Variants in TUSC3 observed in about 807,000 individuals in gnomAD.
TUSC3 encodes dolichyl-diphosphooligosaccharide--protein glycosyltransferase subunit TUSC3.
Under a neutral mutation model 44.8 loss-of-function variants are expected in TUSC3, and 45 were observed. The ratio of observed to expected loss-of-function variants is 1.00; its 90% CI spans 0.79 to 1.29. The LOEUF (loss-of-function observed/expected upper bound fraction) is 1.29. Among genes scored for constraint, TUSC3 ranks in the 50% most tolerant of loss-of-function variants. The pLI is 0.00. For synonymous variants in TUSC3, 212 were observed against 152.9 expected, an observed-to-expected ratio of 1.39 and a Z score of -2.85; for missense variants, 519 against 437.9, an observed-to-expected ratio of 1.19 and a Z score of -1.65.
chr8:15,852,072 C>T, the TUSC3 span, among the ~76,000 whole-genome samples: 12 of 152,252 alleles, frequency 7.9e-5, no homozygotes, highest in East Asian at 2.1e-3. Flanking sequence ...GTCCATTAAA[C>T]CTCTTTTTCG....
chr8:15,649,191 A>T (rs1242014060), intron 2 of TUSC3, among the ~76,000 whole-genome samples: 1 of 152,132 alleles, frequency 6.6e-6, no homozygotes, highest in Non-Finnish European at 1.5e-5. Flanking sequence ...AAATCACATA[A>T]GGTTTTCCTC....
the TUSC3 span, among the ~76,000 whole-genome samples, chr8:15,828,184 T>C: frequency 0.02 from 3,028 of 152,092 alleles, 87 homozygotes; most frequent in African/African-American, 0.069. Flanking sequence ...TAGTAGATAC[T>C]GGATTTCTCC....
chr8:15,770,102 A>G (rs1323700832), downstream of TUSC3, among the ~76,000 whole-genome samples: 1 of 152,238 alleles, frequency 6.6e-6, no homozygotes, highest in African/African-American at 2.4e-5. Context: ...TACTTTAGAT[A>G]CATGCACATG....
intron 1 of TUSC3, among the ~76,000 whole-genome samples, chr8:15,585,953 G>A (rs533244922): frequency 1.1e-4 from 17 of 152,208 alleles, no homozygotes; most frequent in African/African-American, 3.4e-4. Context: ...GAATTCCTAC[G>A]GAATAAAGAG....
At chr8:15,808,902 A>G in the TUSC3 span, among the ~76,000 whole-genome samples, 1 of 152,126 alleles carries the variant, frequency 6.6e-6, no homozygotes, top group Non-Finnish European at 1.5e-5. Flanking sequence ...GTACAAACAA[A>G]TTATACACAC....
At chr8:15,806,259 G>A in the TUSC3 span, 2 of 587,992 alleles carry the variant, frequency 3.4e-6, no homozygotes, top group African/African-American at 1.9e-5. Context: ...ACCTCCAGGT[G>A]GCAGTCTGGG....
At chr8:15,477,318 T>C (rs1460066815) in intron 1 of TUSC3, among the ~76,000 whole-genome samples, 1 of 152,206 alleles carries the variant, frequency 6.6e-6, no homozygotes, top group Admixed American at 6.5e-5. Context: ...TCAAGAAACT[T>C]TGCCTATAAC....
At chr8:15,646,845 C>T (rs148006035) in intron 2 of TUSC3, among the ~76,000 whole-genome samples, 2 of 152,174 alleles carry the variant, frequency 1.3e-5, no homozygotes, top group East Asian at 1.9e-4. Flanking sequence ...ATACAGTAAA[C>T]TTATCTTTAC....
At chr8:15,742,548 C>A (rs1002940875) in intron 7 of TUSC3, among the ~76,000 whole-genome samples, 2 of 152,198 alleles carry the variant, frequency 1.3e-5, no homozygotes, top group African/African-American at 4.8e-5. Context: ...CTGACCTCCT[C>A]CACTTGCTGG....
intron 1 of TUSC3, among the ~76,000 whole-genome samples, chr8:15,465,606 A>G (rs895487501): frequency 7.2e-5 from 11 of 152,220 alleles, no homozygotes; most frequent in African/African-American, 1.2e-4. Context: ...TGCATTTACT[A>G]TTTCCCATAC....
At chr8:15,751,773 G>C (rs922813255) in intron 9 of TUSC3, among the ~76,000 whole-genome samples, 2 of 152,192 alleles carry the variant, frequency 1.3e-5, no homozygotes, top group Non-Finnish European at 2.9e-5. Flanking sequence ...GTGCAGGATA[G>C]ATCTTTGATC....
intron 2 of TUSC3, among the ~76,000 whole-genome samples, chr8:15,519,021 A>C (rs930574732): frequency 6.6e-6 from 1 of 152,234 alleles, no homozygotes; most frequent in African/African-American, 2.4e-5. Flanking sequence ...GCATCTGCTT[A>C]TACAACAAAA....
intron 2 of TUSC3, among the ~76,000 whole-genome samples, chr8:15,633,946 T>A (rs941574774): frequency 1.3e-5 from 2 of 152,184 alleles, no homozygotes; most frequent in African/African-American, 4.8e-5. Context: ...CCACAAGGGA[T>A]GCATAAACAC....
the TUSC3 span, among the ~76,000 whole-genome samples, chr8:15,828,811 G>GAA: frequency 2.0e-5 from 3 of 152,120 alleles, no homozygotes; most frequent in Non-Finnish European, 4.4e-5. Context: ...CTCTAAGGCT[G>GAA]AAAACAGTCT....
At chr8:15,497,017 AG>A (rs1800890263) in intron 2 of TUSC3, among the ~76,000 whole-genome samples, 1 of 152,236 alleles carries the variant, frequency 6.6e-6, no homozygotes, top group Non-Finnish European at 1.5e-5. Context: ...ATCTCTAAAA[AG>A]ATAGGGGAAG....
intron 2 of TUSC3, among the ~76,000 whole-genome samples, chr8:15,645,960 G>T (rs538184078): frequency 2.6e-5 from 4 of 152,158 alleles, no homozygotes; most frequent in Non-Finnish European, 4.4e-5. Flanking sequence ...ATGATATAGT[G>T]GCTGGCTATG....
At chr8:15,653,099 C>CT (rs756812217) in intron 3 of TUSC3, among the ~76,000 whole-genome samples, 32 of 152,188 alleles carry the variant, frequency 2.1e-4, no homozygotes, top group Non-Finnish European at 2.9e-4. Context: ...TTTCAAAATA[C>CT]TTTTATTTCT....
the TUSC3 span, among the ~76,000 whole-genome samples, chr8:15,822,214 G>A: frequency 6.6e-6 from 1 of 152,156 alleles, no homozygotes; most frequent in Non-Finnish European, 1.5e-5. Flanking sequence ...CAAAACTTTA[G>A]CTTTGACATG....
chr8:15,773,413 C>A, the TUSC3 span, among the ~76,000 whole-genome samples: 1 of 151,706 alleles, frequency 6.6e-6, no homozygotes, highest in Non-Finnish European at 1.5e-5. Flanking sequence ...AACCAAGGAA[C>A]TAAAAATACA....
Sources: gnomAD v4.1 joint callset for allele counts (sites outside exome capture counted in the v4.1 genomes callset) on GRCh38, gnomAD v4.1.1 for gene constraint, MANE v1.5 for transcripts, NCBI Gene and HGNC (gene_info 2026-07-23, HGNC 2026-07-21) for gene names.